HSD17B2: variants seen among roughly 807,000 people sequenced by gnomAD.
HSD17B2 encodes the protein 17-beta-hydroxysteroid dehydrogenase type 2.
In HSD17B2, 32 loss-of-function variants were observed where a neutral mutation model predicts 26.9. The observed-to-expected ratio is 1.19, with a 90% CI of 0.90 to 1.60. HSD17B2 has a LOEUF of 1.60. Ranked by LOEUF, HSD17B2 falls within the 40% of genes most tolerant of loss-of-function variation. The pLI, the probability that HSD17B2 is intolerant of heterozygous loss-of-function variation, is 0.00. For synonymous variants in HSD17B2, 246 were observed against 186.7 expected, an observed-to-expected ratio of 1.32 and a Z score of -2.59; for missense variants, 613 against 468.6, an observed-to-expected ratio of 1.31 and a Z score of -2.85.
intron 4 of HSD17B2, 70 bp downstream of exon 4, chr16:82,091,109 C>G (rs192084873): frequency 9.1e-6 from 13 of 1,436,304 alleles, no homozygotes; most frequent in Middle Eastern, 1.7e-4. Flanking sequence ...CTTGGTCTGA[C>G]AGAGCACACA....
At chr16:82,089,935 T>C (rs974774770) in intron 3 of HSD17B2, among the ~76,000 whole-genome samples, 4 of 152,208 alleles carry the variant, frequency 2.6e-5, no homozygotes, top group African/African-American at 9.7e-5. Flanking sequence ...TGGCTTCCTT[T>C]GATCTTGCCT....
chr16:82,065,951 C>A (rs1914560956), intron 1 of HSD17B2, among the ~76,000 whole-genome samples: 1 of 152,186 alleles, frequency 6.6e-6, no homozygotes, highest in Non-Finnish European at 1.5e-5. Context: ...TTAGGGGATT[C>A]CAGGGAGAGC....
chr16:82,056,448 T>C (rs893332820), intron 1 of HSD17B2: 3 of 152,066 alleles, frequency 2.0e-5, no homozygotes, highest in African/African-American at 7.2e-5. Flanking sequence ...CATAGGAGAA[T>C]GAACAAAAGA....
chr16:82,071,880 G>T (rs1330125566), intron 3 of HSD17B2: 1 of 152,538 alleles, frequency 6.6e-6, no homozygotes. Flanking sequence ...GATGGGCTCT[G>T]GATCCTAGGA....
chr16:82,039,517 G>A (rs1170083026), intron 1 of HSD17B2, among the ~76,000 whole-genome samples: 1 of 152,148 alleles, frequency 6.6e-6, no homozygotes, highest in Non-Finnish European at 1.5e-5. Context: ...GGCCCAGTAT[G>A]TGCCATGCAT....
intron 1 of HSD17B2, among the ~76,000 whole-genome samples, chr16:82,048,732 T>C (rs1464947035): frequency 6.6e-6 from 1 of 152,212 alleles, no homozygotes; most frequent in African/African-American, 2.4e-5. Flanking sequence ...TAATATGACA[T>C]GTTATTGGTT....
At chr16:82,042,449 A>C (rs1293115077) in intron 1 of HSD17B2, among the ~76,000 whole-genome samples, 1 of 152,176 alleles carries the variant, frequency 6.6e-6, no homozygotes, top group African/African-American at 2.4e-5. Context: ...AAACTGGAGC[A>C]CATACCTCAT....
intron 1 of HSD17B2, among the ~76,000 whole-genome samples, chr16:82,051,150 T>C (rs899922911): frequency 2.6e-5 from 4 of 152,248 alleles, no homozygotes; most frequent in Admixed American, 6.5e-5. Context: ...AAATTGAATA[T>C]TTATCTAGTA....
At chr16:82,059,258 G>A (rs774760739) in intron 1 of HSD17B2, among the ~76,000 whole-genome samples, 4 of 152,214 alleles carry the variant, frequency 2.6e-5, no homozygotes, top group Non-Finnish European at 5.9e-5. Context: ...GTTGATATTT[G>A]AGGATGGATG....
intron 4 of HSD17B2, chr16:82,091,354 A>G (rs1202960030): frequency 3.0e-5 from 11 of 362,944 alleles, no homozygotes; most frequent in Admixed American, 3.0e-4. Context: ...CAGAGGGGCC[A>G]GCTGTGTCTG....
intron 3 of HSD17B2, among the ~76,000 whole-genome samples, chr16:82,079,003 C>G (rs774768137): frequency 6.6e-6 from 1 of 152,112 alleles, no homozygotes; most frequent in African/African-American, 2.4e-5. Context: ...TTTAATTGTG[C>G]ATTTAAAAAT....
intron 3 of HSD17B2, among the ~76,000 whole-genome samples, chr16:82,082,194 T>A (rs1904401334): frequency 6.6e-6 from 1 of 152,178 alleles, no homozygotes; most frequent in Non-Finnish European, 1.5e-5. Flanking sequence ...CACTGGCCAC[T>A]TCTTATCCTC....
chr16:82,086,593 A>G (rs1435907914), intron 3 of HSD17B2, among the ~76,000 whole-genome samples: 2 of 152,212 alleles, frequency 1.3e-5, no homozygotes, highest in South Asian at 2.1e-4. Context: ...ATTCGGGGGA[A>G]TATGACTTAG....
intron 3 of HSD17B2, among the ~76,000 whole-genome samples, chr16:82,076,063 G>A (rs1424731838): frequency 6.6e-6 from 1 of 152,094 alleles, no homozygotes; most frequent in African/African-American, 2.4e-5. Context: ...TGGATGCAGG[G>A]ATTGTTCAAC....
intron 3 of HSD17B2, among the ~76,000 whole-genome samples, chr16:82,073,475 C>CAGG (rs1914744157): frequency 6.6e-6 from 1 of 152,140 alleles, no homozygotes; most frequent in Admixed American, 6.5e-5. Flanking sequence ...CTGCCCGCCT[C>CAGG]AGCCCCCCAA....
intron 1 of HSD17B2, among the ~76,000 whole-genome samples, chr16:82,055,427 G>C (rs1276007549): frequency 6.6e-6 from 1 of 152,158 alleles, no homozygotes. Flanking sequence ...TGGGGACTTG[G>C]ATGGTTTTAT....
intron 3 of HSD17B2, among the ~76,000 whole-genome samples, chr16:82,082,970 C>T (rs1242401940): frequency 1.3e-5 from 2 of 152,136 alleles, no homozygotes; most frequent in Non-Finnish European, 2.9e-5. Context: ...ACCTCCTTCC[C>T]TGGTGACTCA....
chr16:82,071,199 C>A (rs527491978), intron 3 of HSD17B2, 72 bp downstream of exon 3: 3 of 1,459,526 alleles, frequency 2.1e-6, no homozygotes, highest in Admixed American at 3.3e-5. Flanking sequence ...TCTATGTGGG[C>A]GAACAAAAAT....
chr16:82,097,910 C>A, intron 4 of HSD17B2, 165 bp from the exon 5 acceptor site: 1 of 579,070 alleles, frequency 1.7e-6, no homozygotes, highest in Non-Finnish European at 2.7e-6. Flanking sequence ...TGCACTTAAG[C>A]CTGAGAGACA....
Sources: allele counts gnomAD v4.1 joint callset (sites outside exome capture counted in the v4.1 genomes callset), GRCh38; gene constraint gnomAD v4.1.1; transcripts MANE v1.5; gene names NCBI Gene and HGNC (gene_info 2026-07-23, HGNC 2026-07-21).